ENOX1: variants seen among roughly 807,000 people sequenced by gnomAD.
ENOX1 encodes candidate growth-related and time keeping constitutive hydroquinone (NADH) oxidase.
In ENOX1, 42 loss-of-function variants were observed where a neutral mutation model predicts 82.5. That is an observed-to-expected ratio of 0.51 (90% confidence interval 0.40 to 0.66). ENOX1 has a LOEUF of 0.66. ENOX1 is among the 30% of genes least tolerant of loss of function. The probability of loss-of-function intolerance (pLI) is 0.00; values close to 1 mark genes in which losing one functional copy is unlikely to be tolerated. For missense variants in ENOX1, 608 were observed against 811.6 expected (o/e 0.75, Z 3.05); for synonymous variants, 271 against 282.2 (o/e 0.96, Z 0.40).
At chr13:43,551,602 T>C (rs1247234939) in intron 2 of ENOX1, among the ~76,000 whole-genome samples, 1 of 152,226 alleles carries the variant, frequency 6.6e-6, no homozygotes, top group Non-Finnish European at 1.5e-5. Context: ...ATGGGCTTCA[T>C]AAGCTGCAAC....
intron 2 of ENOX1, among the ~76,000 whole-genome samples, chr13:43,618,939 T>C (rs1316743832): frequency 1.3e-5 from 2 of 151,862 alleles, no homozygotes; most frequent in African/African-American, 2.4e-5. Flanking sequence ...GTTTTCCTTG[T>C]AGAAGTCTTT....
chr13:43,292,461 G>A (rs1452014893), intron 12 of ENOX1, among the ~76,000 whole-genome samples: 1 of 151,986 alleles, frequency 6.6e-6, no homozygotes, highest in Non-Finnish European at 1.5e-5. Context: ...AAATGATCAA[G>A]AAAAAGGAAA....
At chr13:43,640,367 G>C (rs2083583733) in intron 2 of ENOX1, among the ~76,000 whole-genome samples, 1 of 152,002 alleles carries the variant, frequency 6.6e-6, no homozygotes, top group African/African-American at 2.4e-5. Context: ...TCTTAAAATA[G>C]TATCTACATT....
intron 1 of ENOX1, among the ~76,000 whole-genome samples, chr13:43,686,015 T>C (rs1346650947): frequency 6.6e-6 from 1 of 152,056 alleles, no homozygotes; most frequent in Non-Finnish European, 1.5e-5. Context: ...TTAGGGATAA[T>C]CTTTAAGCAG....
intron 1 of ENOX1, among the ~76,000 whole-genome samples, chr13:43,700,398 T>A (rs1353088059): frequency 6.6e-6 from 1 of 152,194 alleles, no homozygotes; most frequent in Non-Finnish European, 1.5e-5. Flanking sequence ...TGTCTCGCTT[T>A]ATACATTATA....
chr13:43,433,602 A>C (rs1417955578), intron 3 of ENOX1, among the ~76,000 whole-genome samples: 3 of 152,254 alleles, frequency 2.0e-5, no homozygotes, highest in Non-Finnish European at 4.4e-5. Flanking sequence ...GAAAATAATA[A>C]ATCCTATCCA....
intron 2 of ENOX1, chr13:43,543,918 T>TC (rs1423967032): frequency 7.4e-6 from 1 of 136,030 alleles, no homozygotes; most frequent in Non-Finnish European, 1.6e-5. Flanking sequence ...TTTTTCTTTT[T>TC]TTTTTTTTTT....
intron 5 of ENOX1, among the ~76,000 whole-genome samples, chr13:43,393,132 G>A (rs1389197769): frequency 2.6e-5 from 4 of 152,194 alleles, no homozygotes; most frequent in African/African-American, 7.2e-5. Context: ...GTGAAGCATT[G>A]TATTTTTTAA....
intron 2 of ENOX1, among the ~76,000 whole-genome samples, chr13:43,564,864 G>C (rs983783607): frequency 3.3e-5 from 5 of 152,146 alleles, no homozygotes; most frequent in African/African-American, 1.2e-4. Flanking sequence ...TGGGAAGGCA[G>C]AGTAATGATA....
chr13:43,620,454 C>T (rs778534724), intron 2 of ENOX1, among the ~76,000 whole-genome samples: 18 of 152,034 alleles, frequency 1.2e-4, no homozygotes, highest in East Asian at 5.8e-4. Context: ...TCATTACTGT[C>T]GTTCAGTTTG....
chr13:43,641,036 G>A (rs1258811598), intron 2 of ENOX1, among the ~76,000 whole-genome samples: 2 of 152,034 alleles, frequency 1.3e-5, no homozygotes, highest in Non-Finnish European at 2.9e-5. Context: ...GAAAGCAAAT[G>A]ATTTAGTGCA....
At chr13:43,271,149 A>G (rs1225937660) in intron 12 of ENOX1, among the ~76,000 whole-genome samples, 1 of 152,240 alleles carries the variant, frequency 6.6e-6, no homozygotes, top group East Asian at 1.9e-4. Flanking sequence ...CAAATGAAAG[A>G]TAGGAAGTTG....
chr13:43,325,116 T>TA (rs370737307), intron 10 of ENOX1, among the ~76,000 whole-genome samples: 3 of 152,174 alleles, frequency 2.0e-5, no homozygotes, highest in Non-Finnish European at 2.9e-5. Context: ...CTTTTTTTTT[T>TA]AATCTTGAAA....
At chr13:43,413,794 A>C (rs926971142) in intron 3 of ENOX1, among the ~76,000 whole-genome samples, 10 of 150,034 alleles carry the variant, frequency 6.7e-5, no homozygotes, top group African/African-American at 2.4e-4. Context: ...TAAAGTTACA[A>C]AGTTCTTCTC....
At chr13:43,721,376 C>CTTTTTTTTTTTTTTTTTTT (rs761888585) in intron 1 of ENOX1, among the ~76,000 whole-genome samples, 1 of 107,620 alleles carries the variant, frequency 9.3e-6, no homozygotes, top group Non-Finnish European at 1.7e-5. Flanking sequence ...TATTTTATAT[C>CTTTTTTTTTTTTTTTTTTT]TTTTTTTTTT....
At chr13:43,520,962 G>A (rs1022518787) in intron 2 of ENOX1, among the ~76,000 whole-genome samples, 6 of 152,126 alleles carry the variant, frequency 3.9e-5, no homozygotes, top group Admixed American at 2.6e-4. Context: ...AATGAGGGAA[G>A]CTCTTAGTGT....
chr13:43,459,179 A>G (rs571019484), intron 3 of ENOX1: 1 of 152,382 alleles, frequency 6.6e-6, no homozygotes, highest in South Asian at 2.1e-4. Flanking sequence ...ATGTGGTACC[A>G]TCAACATTTT....
At chr13:43,495,367 C>T (rs77235971) in intron 2 of ENOX1, among the ~76,000 whole-genome samples, 196 of 152,150 alleles carry the variant, frequency 1.3e-3, no homozygotes, top group African/African-American at 4.5e-3. Context: ...ATGTCTATCA[C>T]CATAAATGGC....
At chr13:43,294,715 T>C (rs2046194755) in intron 12 of ENOX1, among the ~76,000 whole-genome samples, 1 of 152,202 alleles carries the variant, frequency 6.6e-6, no homozygotes. Flanking sequence ...TGTCCTAAAC[T>C]GGAAACTATC....
Sources: gnomAD v4.1 joint callset for allele counts (sites outside exome capture counted in the v4.1 genomes callset) on GRCh38, gnomAD v4.1.1 for gene constraint, MANE v1.5 for transcripts, NCBI Gene and HGNC (gene_info 2026-07-23, HGNC 2026-07-21) for gene names.